The following PCCA variants were observed in gnomAD, a reference collection of about 807,000 sequenced individuals.
PCCA encodes propionyl-CoA carboxylase subunit alpha, also known as propionyl-CoA carboxylase alpha chain, mitochondrial.
A neutral mutation model predicts 101.3 loss-of-function variants in PCCA; 74 were observed. The ratio of observed to expected loss-of-function variants is 0.73; its 90% CI spans 0.61 to 0.89. PCCA has a LOEUF of 0.89. Among genes scored for constraint, PCCA ranks in the 40% least tolerant of loss-of-function variants. The pLI, the probability that PCCA is intolerant of heterozygous loss-of-function variation, is 0.00. For missense variants in PCCA, 891 were observed against 907.0 expected (o/e 0.98, Z 0.23); for synonymous variants, 294 against 313.6 (o/e 0.94, Z 0.66).
chr13:100,149,521 G>A (rs1284064105), intron 4 of PCCA: 2 of 152,088 alleles, frequency 1.3e-5, no homozygotes, highest in Non-Finnish European at 2.9e-5. Flanking sequence ...AATTTTCATT[G>A]GTTAGTAATG....
chr13:100,182,766 G>C (rs9554671), intron 6 of PCCA, among the ~76,000 whole-genome samples: 1 of 151,806 alleles, frequency 6.6e-6, no homozygotes, highest in Non-Finnish European at 1.5e-5. Context: ...CCTGAAAAGA[G>C]GAAAGCCTCT....
At chr13:100,207,175 C>T (rs1223087549) in intron 6 of PCCA, among the ~76,000 whole-genome samples, 1 of 152,060 alleles carries the variant, frequency 6.6e-6, no homozygotes, top group East Asian at 1.9e-4. Context: ...TCCTCCTGTA[C>T]ATTATTTTAT....
At position 100,133,074 on chromosome 13, in the gene PCCA, C is replaced by T. The variant is rs115278199; in HGVS notation, c.300+21013C>T. Reference sequence around the variant, plus strand: ...GATTATAGACATGAGCCACCATGCCCGGCCTCATTTTAACCACTCTAATAT... The same window carrying T: ...GATTATAGACATGAGCCACCATGCCTGGCCTCATTTTAACCACTCTAATAT... On this transcript the variant is annotated intron_variant, in intron 4 of 23. Coordinates refer to ENST00000376285, the MANE Select transcript of PCCA (RefSeq NM_000282.4). 4.4e-3 allele frequency among the ~76,000 whole-genome samples: 672 copies of T among 152,276 alleles called. 2 individuals are homozygous for T. The highest frequency in any genetic ancestry group is 0.014 in the African/African-American group (594 of 41,560).
intron 12 of PCCA, among the ~76,000 whole-genome samples, chr13:100,295,252 C>T (rs902399123): frequency 4.6e-5 from 7 of 152,164 alleles, no homozygotes; most frequent in Non-Finnish European, 8.8e-5. Context: ...ATTGACCATC[C>T]TTTCAGGCTG....
intron 20 of PCCA, among the ~76,000 whole-genome samples, chr13:100,434,537 G>A (rs1217946207): frequency 1.3e-5 from 2 of 152,234 alleles, no homozygotes; most frequent in African/African-American, 4.8e-5. Context: ...CTGGCCGGTA[G>A]CCCTGGGATA....
At chr13:100,222,922 C>A (rs1456868220) in intron 7 of PCCA, among the ~76,000 whole-genome samples, 1 of 152,168 alleles carries the variant, frequency 6.6e-6, no homozygotes, top group East Asian at 1.9e-4. Flanking sequence ...TGCAGTACTT[C>A]AGTGGTCTTC....
intron 19 of PCCA, among the ~76,000 whole-genome samples, chr13:100,415,201 C>T (rs1023807803): frequency 2.1e-5 from 3 of 145,340 alleles, no homozygotes; most frequent in African/African-American, 5.2e-5. Context: ...GCCAGGAGAT[C>T]GAGACCAGCC....
At chr13:100,484,141 C>A (rs1046532207) in intron 21 of PCCA, among the ~76,000 whole-genome samples, 1 of 152,028 alleles carries the variant, frequency 6.6e-6, no homozygotes, top group African/African-American at 2.4e-5. Flanking sequence ...GAAAACTGGC[C>A]GCTTTCCTGC....
At chr13:100,131,841 G>A (rs2050548966) in intron 4 of PCCA, among the ~76,000 whole-genome samples, 1 of 152,198 alleles carries the variant, frequency 6.6e-6, no homozygotes, top group Admixed American at 6.5e-5. Context: ...CAGTTCAGTG[G>A]AAGAAGCAGA....
intron 22 of PCCA, among the ~76,000 whole-genome samples, chr13:100,524,865 C>T (rs1218697951): frequency 3.3e-5 from 5 of 152,048 alleles, no homozygotes; most frequent in African/African-American, 1.2e-4. Context: ...GACCGAGATT[C>T]TGTCTCTAAG....
intron 20 of PCCA, among the ~76,000 whole-genome samples, chr13:100,448,445 C>T (rs2080996618): frequency 6.6e-6 from 1 of 152,204 alleles, no homozygotes; most frequent in Non-Finnish European, 1.5e-5. Context: ...CCTGCCTCAA[C>T]CTCCCAGAGT....
chr13:100,385,402 A>G (rs1008194611), intron 19 of PCCA, among the ~76,000 whole-genome samples: 2 of 152,222 alleles, frequency 1.3e-5, no homozygotes, highest in Non-Finnish European at 2.9e-5. Flanking sequence ...GATGCCCTTC[A>G]TATATGCAGA....
chr13:100,351,347 T>G (rs2073246245), intron 18 of PCCA, among the ~76,000 whole-genome samples: 1 of 152,142 alleles, frequency 6.6e-6, no homozygotes, highest in South Asian at 2.1e-4. Context: ...GTGAGATAAG[T>G]AAAAAACTTA....
intron 19 of PCCA, among the ~76,000 whole-genome samples, chr13:100,407,920 G>T (rs1352324541): frequency 2.0e-5 from 3 of 152,164 alleles, no homozygotes; most frequent in African/African-American, 7.2e-5. Context: ...GGAGGCTGAG[G>T]TGGGTGGATT....
In PCCA at chr13:100,495,387, G is replaced by A. The variant is rs140628562; in HGVS notation, c.1900-20040G>A. ...CTGAAATGGCCAGCACTGGAGAGAC[G>A]CTACTGCTGCTGATGGTGAATGTCA... On this transcript the variant is annotated intron_variant, in intron 21 of 23. Coordinates refer to ENST00000376285, the MANE Select transcript of PCCA (RefSeq NM_000282.4). Among the ~76,000 whole-genome samples the A allele has an allele frequency of 9.3e-3, 1,418 of 152,260 alleles. 21 individuals carry two copies. The highest frequency in any genetic ancestry group is 0.031 in the African/African-American group (1,304 of 41,540).
chr13:100,178,948 G>A (rs1435757617), intron 6 of PCCA, among the ~76,000 whole-genome samples: 1 of 151,332 alleles, frequency 6.6e-6, no homozygotes, highest in Non-Finnish European at 1.5e-5. Context: ...GTGGTGGCAG[G>A]CGCCTGTAAT....
chr13:100,107,519 C>G (rs1349900861), intron 2 of PCCA, among the ~76,000 whole-genome samples: 1 of 151,476 alleles, frequency 6.6e-6, no homozygotes, highest in African/African-American at 2.4e-5. Context: ...AAAACCCCGT[C>G]TCTTAAGAAA....
At chr13:100,105,936 A>G (rs1278884040) in intron 2 of PCCA, among the ~76,000 whole-genome samples, 2 of 151,290 alleles carry the variant, frequency 1.3e-5, no homozygotes, top group Admixed American at 6.6e-5. Flanking sequence ...GTATTCGTCA[A>G]TATATGTTAT....
At chr13:100,157,878 G>C (rs779967088) in intron 6 of PCCA, among the ~76,000 whole-genome samples, 2 of 152,138 alleles carry the variant, frequency 1.3e-5, no homozygotes, top group Non-Finnish European at 2.9e-5. Context: ...TTTGATTAAT[G>C]TTTGTACATA....
Sources: gnomAD v4.1 joint callset for allele counts (sites outside exome capture counted in the v4.1 genomes callset) on GRCh38, gnomAD v4.1.1 for gene constraint, MANE v1.5 for transcripts, NCBI Gene and HGNC (gene_info 2026-07-23, HGNC 2026-07-21) for gene names.